Variants in ZNF385B observed in about 807,000 individuals in gnomAD.
The protein encoded by ZNF385B is zinc finger protein 533.
ZNF385B carries 23 observed loss-of-function variants against 39.2 expected under a neutral mutation model. That is an observed-to-expected ratio of 0.59 (90% CI 0.42 to 0.83). The LOEUF (loss-of-function observed/expected upper bound fraction) is 0.83, where lower values mean the gene tolerates loss of function less well. Among genes scored for constraint, ZNF385B ranks in the 40% least tolerant of loss-of-function variants. ZNF385B has a pLI of 0.00. For synonymous variants in ZNF385B, 205 were observed against 222.6 expected (o/e 0.92, Z 0.70); for missense variants, 552 against 598.9 (o/e 0.92, Z 0.82).
intron 3 of ZNF385B, among the ~76,000 whole-genome samples, chr2:179,696,653 A>G (rs535854666): frequency 6.6e-6 from 1 of 152,224 alleles, no homozygotes; most frequent in Non-Finnish European, 1.5e-5. Context: ...CAGGTAGCTT[A>G]AGCATGTGCT....
chr2:179,590,810 A>T (rs1687493892), intron 3 of ZNF385B, among the ~76,000 whole-genome samples: 1 of 152,036 alleles, frequency 6.6e-6, no homozygotes, highest in Non-Finnish European at 1.5e-5. Context: ...GCCATGTAAG[A>T]TGTCCCTTAC....
At chr2:179,522,047 G>A (rs1434011955) in intron 4 of ZNF385B, among the ~76,000 whole-genome samples, 1 of 152,092 alleles carries the variant, frequency 6.6e-6, no homozygotes, top group Admixed American at 6.5e-5. Context: ...AGATGATTTA[G>A]TTGAATAGAG....
intron 3 of ZNF385B, among the ~76,000 whole-genome samples, chr2:179,768,515 A>G (rs1326983536): frequency 6.6e-6 from 1 of 152,176 alleles, no homozygotes; most frequent in African/African-American, 2.4e-5. Flanking sequence ...ACCAAGAACC[A>G]TGTAACAGCA....
chr2:179,663,457 T>C (rs1380145409), intron 3 of ZNF385B, among the ~76,000 whole-genome samples: 1 of 152,136 alleles, frequency 6.6e-6, no homozygotes, highest in African/African-American at 2.4e-5. Context: ...ACGCCTGTAA[T>C]CCCAGCACTT....
At chr2:179,504,010 G>A (rs1250353310) in intron 5 of ZNF385B, among the ~76,000 whole-genome samples, 1 of 149,068 alleles carries the variant, frequency 6.7e-6, no homozygotes, top group Non-Finnish European at 1.5e-5. Flanking sequence ...ATATCTCCCA[G>A]TGCTATCCCT....
intron 1 of ZNF385B, among the ~76,000 whole-genome samples, chr2:179,844,825 T>C (rs1001281909): frequency 6.6e-6 from 1 of 152,154 alleles, no homozygotes. Flanking sequence ...GAAAATCCAA[T>C]AAGAAAGGGT....
At chr2:179,721,979 C>T (rs1367547948) in intron 3 of ZNF385B, among the ~76,000 whole-genome samples, 1 of 151,732 alleles carries the variant, frequency 6.6e-6, no homozygotes, top group Non-Finnish European at 1.5e-5. Flanking sequence ...ATAAAATAGT[C>T]TAAAGATAAA....
At chr2:179,686,836 C>T (rs187668577) in intron 3 of ZNF385B, among the ~76,000 whole-genome samples, 16 of 152,170 alleles carry the variant, frequency 1.1e-4, no homozygotes, top group Admixed American at 8.5e-4. Context: ...TTTAGAAATA[C>T]ATATCTTAGA....
chr2:179,696,325 A>AGTTTTTTTTTTTTTTT (rs1333224792), intron 3 of ZNF385B, among the ~76,000 whole-genome samples: 1 of 9,838 alleles, frequency 1.0e-4, no homozygotes, highest in Admixed American at 1.3e-3. Flanking sequence ...ACAAACTGGG[A>AGTTTTTTTTTTTTTTT]CTTTTTTTTT....
chr2:179,523,606 G>GA (rs1327544466), intron 4 of ZNF385B, among the ~76,000 whole-genome samples: 1 of 152,006 alleles, frequency 6.6e-6, no homozygotes, highest in Non-Finnish European at 1.5e-5. Flanking sequence ...TTTAGGCAGA[G>GA]AAAATAGAAT....
At chr2:179,485,840 G>A (rs1260784946) in intron 5 of ZNF385B, among the ~76,000 whole-genome samples, 3 of 152,118 alleles carry the variant, frequency 2.0e-5, no homozygotes, top group Non-Finnish European at 4.4e-5. Context: ...GGACATATTA[G>A]TGATTTCCCT....
At chr2:179,628,273 C>G (rs1215729420) in intron 3 of ZNF385B, among the ~76,000 whole-genome samples, 1 of 152,168 alleles carries the variant, frequency 6.6e-6, no homozygotes, top group African/African-American at 2.4e-5. Flanking sequence ...TTGTTCAAAT[C>G]AAGATCCAGA....
intron 1 of ZNF385B, among the ~76,000 whole-genome samples, chr2:179,852,249 T>C (rs1684236253): frequency 6.6e-6 from 1 of 152,156 alleles, no homozygotes; most frequent in Non-Finnish European, 1.5e-5. Context: ...CAGAATAAAT[T>C]GCTTTTCCTA....
chr2:179,759,638 G>A (rs1356038846), intron 3 of ZNF385B, among the ~76,000 whole-genome samples: 2 of 152,072 alleles, frequency 1.3e-5, no homozygotes, highest in East Asian at 3.9e-4. Flanking sequence ...ACTCATCTTT[G>A]AGTACTCATC....
intron 4 of ZNF385B, among the ~76,000 whole-genome samples, chr2:179,526,043 T>C (rs2105838183): frequency 6.7e-6 from 1 of 149,996 alleles, no homozygotes; most frequent in African/African-American, 2.4e-5. Flanking sequence ...CAGATTTTTT[T>C]TTTTTTTTTT....
At chr2:179,463,959 T>A (rs930778766) in intron 6 of ZNF385B, among the ~76,000 whole-genome samples, 2 of 152,180 alleles carry the variant, frequency 1.3e-5, no homozygotes, top group Non-Finnish European at 2.9e-5. Flanking sequence ...TGATTTTTAC[T>A]CCCACCAACA....
rs1273207210 is a variant in ZNF385B, at chr2:179,466,805, C to A, written c.715+16467G>T. Among the ~76,000 whole-genome samples, 3 of 149,730 alleles carry A rather than the reference C, an allele frequency of 2.0e-5. No homozygotes were observed. In the East Asian group the frequency reaches 5.9e-4, roughly 30 times the overall value. On this transcript the variant is annotated intron_variant, in intron 6 of 9. Coordinates refer to ENST00000410066, the MANE Select transcript of ZNF385B (RefSeq NM_152520.6). Reference sequence around the variant, plus strand: ...GTATGGTGGCACACATCTGTAATCCCAGCTACTTGGGAGGCTGAGGCAGAA... The same window carrying A: ...GTATGGTGGCACACATCTGTAATCCAAGCTACTTGGGAGGCTGAGGCAGAA...
intron 3 of ZNF385B, among the ~76,000 whole-genome samples, chr2:179,558,147 T>C (rs766108635): frequency 3.3e-5 from 5 of 152,162 alleles, no homozygotes; most frequent in African/African-American, 1.2e-4. Context: ...GACCTTCTAT[T>C]TGAGATCAAA....
At chr2:179,602,775 A>T (rs1688508381) in intron 3 of ZNF385B, among the ~76,000 whole-genome samples, 1 of 152,188 alleles carries the variant, frequency 6.6e-6, no homozygotes, top group Non-Finnish European at 1.5e-5. Flanking sequence ...AGAAGTTATG[A>T]TAATTCAAAT....
Sources: gnomAD v4.1 joint callset for allele counts (sites outside exome capture counted in the v4.1 genomes callset) on GRCh38, gnomAD v4.1.1 for gene constraint, MANE v1.5 for transcripts, NCBI Gene and HGNC (gene_info 2026-07-23, HGNC 2026-07-21) for gene names.